ZBTB41: variants seen among roughly 807,000 people sequenced by gnomAD.
The protein encoded by ZBTB41 is zinc finger and BTB domain containing 41.
ZBTB41 carries 42 observed loss-of-function variants against 87.6 expected under a neutral mutation model. That is an observed-to-expected ratio of 0.48 (90% CI 0.37 to 0.62). The LOEUF is 0.62. Among genes scored for constraint, ZBTB41 ranks in the 20% least tolerant of loss-of-function variants. The pLI is 0.00. For missense variants in ZBTB41, 799 were observed against 1,078.9 expected (o/e 0.74, Z 3.63); for synonymous variants, 364 against 364.0 (o/e 1.00, Z 0.00).
chr1:197,159,680 A>C lies in ZBTB41; in HGVS notation c.2409T>G (p.Ser803=). The change falls in exon 11 of 11, where the codon TCT becomes TCG. Residue 803 remains serine (S), a synonymous_variant. Coordinates refer to ENST00000367405, the MANE Select transcript of ZBTB41 (RefSeq NM_194314.3). ...GAGTTACTGGAACACATACTTCAGC[A>C]GATACATTCTGTAACATCGTCTTGG... The part of the protein sequence containing the change: ...SEAKTMLQNV[S]AEVCVPVTLV... 1 of 1,614,020 alleles carries C rather than the reference A, an allele frequency of 6.2e-7. No individual in the cohort carries two copies. Among genetic ancestry groups the C allele is most frequent in the Non-Finnish European group, 8.5e-7 (1 of 1,179,892 alleles).
intron 6 of ZBTB41, among the ~76,000 whole-genome samples, chr1:197,180,173 T>C (rs1659709095): frequency 6.6e-6 from 1 of 152,134 alleles, no homozygotes. Flanking sequence ...TATGTTTAAA[T>C]ATATCAACAC....
chr1:197,193,340 C>T (rs1375200439), intron 2 of ZBTB41, among the ~76,000 whole-genome samples: 2 of 151,054 alleles, frequency 1.3e-5, no homozygotes, highest in Non-Finnish European at 2.9e-5. Flanking sequence ...AGTTTGAGAC[C>T]AGCCTGGCCA....
rs1219189197 is a variant in ZBTB41, at chr1:197,180,982, C to A, written c.1676+6G>T. ...GATTTTTGTGGGTGTGCAGATAATT[C>A]TTCACCTTTCTCGTACTGATTTTCC... On this transcript the variant is annotated splice_donor_region_variant and intron_variant, in intron 6 of 10. Coordinates refer to ENST00000367405, the MANE Select transcript of ZBTB41 (RefSeq NM_194314.3). 2 of 1,584,136 alleles carry A rather than the reference C, an allele frequency of 1.3e-6. No individual in the cohort carries two copies. Among genetic ancestry groups the A allele is most frequent in the Non-Finnish European group, 8.5e-7 (1 of 1,172,516 alleles).
In ZBTB41 at chr1:197,191,765, T is replaced by C. The variant is rs1225731190; in HGVS notation, c.1255A>G (p.Lys419Glu). 38 of 1,613,760 alleles carry C rather than the reference T, an allele frequency of 2.4e-5. No homozygotes were observed. Among genetic ancestry groups the C allele is most frequent in the Non-Finnish European group, 3.0e-5 (35 of 1,179,898 alleles). ...CAATAAGGGCACTTGTGCTCCTTCT[T>C]ATGAAATTCTGTTTCATTACTGTGC... is the stretch of plus-strand genomic sequence containing the variant. The part of the protein sequence containing the change: ...KKHSNETEFH[K>E]KEHKCPYCNK... The change falls in exon 3 of 11, where the codon AAG becomes GAG. Residue 419 changes from lysine to glutamate, a missense_variant. Around this residue, in one of 5 missense-constraint regions of ZBTB41, gnomAD observed 294 missense variants for 340.1 expected, o/e 0.86. Transcript: ENST00000367405.
At chr1:197,185,764 T>C (rs1236325412) in intron 5 of ZBTB41, among the ~76,000 whole-genome samples, 3 of 152,210 alleles carry the variant, frequency 2.0e-5, no homozygotes, top group East Asian at 3.9e-4. Flanking sequence ...AAATGAAATA[T>C]TTAGGTATAA....
In ZBTB41 at chr1:197,155,186, C is replaced by G. The variant is rs1433141541; in HGVS notation, c.*4173G>C. 1 of 152,056 alleles carries G rather than the reference C, an allele frequency of 6.6e-6. No individual in the cohort carries two copies. The highest frequency in any genetic ancestry group is 1.5e-5 in the Non-Finnish European group (1 of 67,790). The allele number at this position is 152,056 out of a possible 1,614,324, so 9.4% of individuals were successfully genotyped here. A position where few individuals can be genotyped will look rare whatever the true frequency, so the allele number is the denominator to read the frequency against. The stretch of plus-strand genomic sequence containing the variant: ...TCTAATAAGCATATAGAGACAGGCC[C>G]AAGAGTGGCTTCACAGTAACTATAA... On this transcript the variant is annotated 3_prime_UTR_variant, in exon 11 of 11. Transcript: ENST00000367405.
At chr1:197,170,998 G>A (rs896191447) in intron 10 of ZBTB41, among the ~76,000 whole-genome samples, 12 of 152,074 alleles carry the variant, frequency 7.9e-5, no homozygotes, top group African/African-American at 2.9e-4. Context: ...GAAATATCCA[G>A]ATATTGATGT....
chr1:197,173,050 C>T (rs1210556553), intron 9 of ZBTB41, among the ~76,000 whole-genome samples: 1 of 152,000 alleles, frequency 6.6e-6, no homozygotes, highest in Non-Finnish European at 1.5e-5. Flanking sequence ...CAGTTCTCAA[C>T]TGAAAATTTT....
intron 2 of ZBTB41, among the ~76,000 whole-genome samples, chr1:197,193,984 C>T (rs116520119): frequency 1.3e-5 from 2 of 152,170 alleles, no homozygotes; most frequent in African/African-American, 4.8e-5. Context: ...GATTGAGAGA[C>T]AACTTATCAA....
chr1:197,160,727 A>C (rs752689008), intron 10 of ZBTB41, among the ~76,000 whole-genome samples: 1 of 152,080 alleles, frequency 6.6e-6, no homozygotes, highest in Non-Finnish European at 1.5e-5. Context: ...AGATGTACAC[A>C]CTCTAGTCCC....
At chr1:197,172,531 G>A (rs1362685413) in intron 9 of ZBTB41, among the ~76,000 whole-genome samples, 1 of 151,834 alleles carries the variant, frequency 6.6e-6, no homozygotes, top group Admixed American at 6.6e-5. Flanking sequence ...TTAAGTCACT[G>A]AACTTTTATT....
Position 197,159,536 on chromosome 1 carries a change from T to A in ZBTB41, c.2553A>T (p.Ala851=), listed in dbSNP as rs1266115412. 4 of 1,613,856 alleles carry A rather than the reference T, an allele frequency of 2.5e-6. No individual in the cohort carries two copies. The highest frequency in any genetic ancestry group is 3.4e-6 in the Non-Finnish European group (4 of 1,179,886). ...ATTTTTCCAGAAAAGCTAAATCCGCTGCTCGTGGATAATCAGTTGACTGTG... is the reference window on the plus strand; with the variant it reads ...ATTTTTCCAGAAAAGCTAAATCCGCAGCTCGTGGATAATCAGTTGACTGTG... ...PQPQSTDYPR[A]ADLAFLEKYT... Residue 851 remains alanine, a synonymous_variant, in exon 11 of 11, where the codon GCA becomes GCT. Transcript: ENST00000367405.
At chr1:197,174,081 T>C (rs2125128794) in intron 9 of ZBTB41, among the ~76,000 whole-genome samples, 1 of 152,254 alleles carries the variant, frequency 6.6e-6, no homozygotes. Context: ...TTTAACTTCC[T>C]CACAGTGGAC....
intron 10 of ZBTB41, among the ~76,000 whole-genome samples, chr1:197,167,175 T>C (rs1416135383): frequency 6.6e-6 from 1 of 152,052 alleles, no homozygotes; most frequent in African/African-American, 2.4e-5. Flanking sequence ...TGTATGTGTA[T>C]GTCTGTATAT....
intron 10 of ZBTB41, among the ~76,000 whole-genome samples, chr1:197,171,746 C>A (rs1453220699): frequency 1.3e-5 from 2 of 151,228 alleles, no homozygotes; most frequent in East Asian, 3.9e-4. Flanking sequence ...GCAAACAAGA[C>A]AATGAGGTCA....
At chr1:197,160,113 A>G (rs1021256605) in intron 10 of ZBTB41, 99 bp from the exon 11 acceptor site, 7 of 869,958 alleles carry the variant, frequency 8.0e-6, no homozygotes, top group Middle Eastern at 3.4e-4. Context: ...TACTTGCCAG[A>G]ACTTGATAAT....
chr1:197,186,383 C>T (rs188184276), intron 5 of ZBTB41, among the ~76,000 whole-genome samples: 23 of 152,086 alleles, frequency 1.5e-4, no homozygotes, highest in Middle Eastern at 3.4e-3. Context: ...GCAATGACTT[C>T]GCACAATCCA....
intron 5 of ZBTB41, among the ~76,000 whole-genome samples, chr1:197,186,863 C>CA (rs562904893): frequency 1.8e-3 from 271 of 151,422 alleles, no homozygotes; most frequent in African/African-American, 5.5e-3. Flanking sequence ...GACTCTGTCA[C>CA]AAAAAAACAA....
At chr1:197,186,127 A>AAAT (rs952680317) in intron 5 of ZBTB41, among the ~76,000 whole-genome samples, 4 of 152,122 alleles carry the variant, frequency 2.6e-5, no homozygotes, top group African/African-American at 9.7e-5. Context: ...TAAAAAATAA[A>AAAT]AAAAAAAGAT....
Sources: allele counts gnomAD v4.1 joint callset (sites outside exome capture counted in the v4.1 genomes callset), GRCh38; gene constraint gnomAD v4.1.1; regional missense constraint gnomAD v4.1.1; transcripts MANE v1.5; gene names NCBI Gene and HGNC (gene_info 2026-07-23, HGNC 2026-07-21).